BRPF3: variants seen among roughly 807,000 people sequenced by gnomAD.
BRPF3 encodes the protein bromodomain and PHD finger containing 3.
In BRPF3, 18 loss-of-function variants were observed where a neutral mutation model predicts 102.0. The ratio of observed to expected loss-of-function variants is 0.18; its 90% CI spans 0.12 to 0.26. The LOEUF is 0.26. Among genes scored for constraint, BRPF3 ranks in the 10% least tolerant of loss-of-function variants. The pLI, the probability that BRPF3 is intolerant of heterozygous loss-of-function variation, is 1.00. For synonymous variants in BRPF3, 570 were observed against 614.2 expected (o/e 0.93, Z 1.06); for missense variants, 1,147 against 1,567.8 (o/e 0.73, Z 4.53).
Position 36,200,284 on chromosome 6 carries a change from CT to C in BRPF3, c.-26-11del. The C allele has an allele frequency of 6.3e-7, 1 of 1,579,960 alleles. No homozygotes were observed. ...GGCATCCAACTCATAGTCTCCTGGC[CT>C]TCTCTCCTTAGGCCTGTCCCCTCAG... On this transcript the variant is annotated splice_polypyrimidine_tract_variant and intron_variant, in intron 1 of 12. Coordinates refer to ENST00000357641, the MANE Select transcript of BRPF3 (RefSeq NM_015695.3). The surrounding 1 kb of genome is among the most constrained non-coding windows in gnomAD (Gnocchi z 5.3).
chr6:36,212,280 C>G (rs13214), intron 7 of BRPF3, among the ~76,000 whole-genome samples: 2 of 152,204 alleles, frequency 1.3e-5, no homozygotes, highest in African/African-American at 4.8e-5. Context: ...TCCCTCATAC[C>G]TGCCTTCGGA....
intron 2 of BRPF3, among the ~76,000 whole-genome samples, chr6:36,203,636 C>T (rs949947891): frequency 6.6e-6 from 1 of 152,148 alleles, no homozygotes; most frequent in African/African-American, 2.4e-5. Flanking sequence ...ACGTCCTGCC[C>T]AACATGCCCA....
At chr6:36,203,314 GAAAT>G (rs1474855443) in intron 2 of BRPF3, among the ~76,000 whole-genome samples, 3 of 152,216 alleles carry the variant, frequency 2.0e-5, no homozygotes, top group African/African-American at 7.2e-5. Context: ...GTTGTTGTGA[GAAAT>G]AAATGAGATA....
At position 36,230,621 on chromosome 6, in the gene BRPF3, G is replaced by T. The variant is rs1451172635; in HGVS notation, c.*12G>T. 6.4e-7 allele frequency: 1 copy of T among 1,550,998 alleles called. No individual in the cohort carries two copies. The highest frequency in any genetic ancestry group is 8.7e-7 in the Non-Finnish European group (1 of 1,152,798). On this transcript the variant is annotated 3_prime_UTR_variant, in exon 13 of 13. Transcript: ENST00000357641. This position sits in a 1 kb window ranked among gnomAD's most constrained non-coding sequence, Gnocchi z 5.4. ...CCAGCTACCTGTAAGGGCAGGGCTG[G>T]GCCTGCATCCGCTTGCCCTGCCTCC...
chr6:36,209,894 A>C lies in BRPF3; in HGVS notation c.1845A>C (p.Ala615=). 6.2e-7 allele frequency: 1 copy of C among 1,614,168 alleles called. No homozygotes were observed. The highest frequency in any genetic ancestry group is 1.6e-4 in the Middle Eastern group (1 of 6,062). ...LQEKDPAHIF[A]EPVNLSEVPD... Reference sequence around the variant, plus strand: ...AGAAGGATCCTGCACACATCTTCGCAGAACCAGTCAACTTGAGTGAGGCAA... The same window carrying C: ...AGAAGGATCCTGCACACATCTTCGCCGAACCAGTCAACTTGAGTGAGGCAA... Residue 615 remains alanine, a synonymous_variant, in exon 5 of 13, where the codon GCA becomes GCC. Coordinates refer to ENST00000357641, the MANE Select transcript of BRPF3 (RefSeq NM_015695.3).
At chr6:36,229,753 G>T (rs544569433) in intron 12 of BRPF3, among the ~76,000 whole-genome samples, 1 of 152,324 alleles carries the variant, frequency 6.6e-6, no homozygotes, top group African/African-American at 2.4e-5. Context: ...AATAGTAGCT[G>T]CCATTGAGTG....
rs1398757163 is a variant in BRPF3 at position 36,210,719 on chromosome 6, T to C, written c.2179+191T>C. Among the ~76,000 whole-genome samples, 1 of 152,208 alleles carries C rather than the reference T, an allele frequency of 6.6e-6. No homozygotes were observed. Among genetic ancestry groups the C allele is most frequent in the Non-Finnish European group, 1.5e-5 (1 of 68,036 alleles). Reference sequence around the variant, plus strand: ...AAGGGTTAAAGTTTAACTAATGTACTCTGCACTTCTTAAGTGGTAGAAAAG... The same window carrying C: ...AAGGGTTAAAGTTTAACTAATGTACCCTGCACTTCTTAAGTGGTAGAAAAG... On this transcript the variant is annotated intron_variant, in intron 6 of 12. Transcript: ENST00000357641. This position sits in a 1 kb window ranked among gnomAD's most constrained non-coding sequence, Gnocchi z 4.7.
chr6:36,211,307 G>C lies in BRPF3; in HGVS notation c.2229G>C (p.Val743=), dbSNP rs1768098114. The C allele has an allele frequency of 6.2e-7, 1 of 1,614,246 alleles. No individual in the cohort carries two copies. The highest frequency in any genetic ancestry group is 1.7e-5 in the Admixed American group (1 of 60,032). ...ACCGGGCCCATTTGTCCCCAGAGGTGCAGCTGAAGGAGCTGCTGGAGAAAC... is the reference window on the plus strand; with the variant it reads ...ACCGGGCCCATTTGTCCCCAGAGGTCCAGCTGAAGGAGCTGCTGGAGAAAC... ...PENRAHLSPE[V]QLKELLEKLD... The change falls in exon 7 of 13, where the codon GTG becomes GTC. Residue 743 remains valine, a synonymous_variant. Transcript: ENST00000357641.
chr6:36,225,386 C>G, intron 11 of BRPF3, 22 bp downstream of exon 11: 1 of 1,596,366 alleles, frequency 6.3e-7, no homozygotes, highest in Non-Finnish European at 8.5e-7. Context: ...CCAGACGCCA[C>G]CCTCCTATCT....
At position 36,200,600 on chromosome 6, in the gene BRPF3, C is replaced by T. The variant is rs771125616; in HGVS notation, c.278C>T (p.Pro93Leu). The T allele has an allele frequency of 3.1e-6, 5 of 1,614,146 alleles. No individual in the cohort carries two copies. Among genetic ancestry groups the T allele is most frequent in the Non-Finnish European group, 4.2e-6 (5 of 1,180,022 alleles). ...CAGTTCCCTGGCAAGTCCAAGAAAC[C>T]CTCATCCAAGGGCAAAAAGAAGGAA... Reference protein sequence around the residue: ...QPQFPGKSKKPSSKGKKKESC... With the variant: ...QPQFPGKSKKLSSKGKKKESC... Residue 93 changes from proline to leucine, a missense_variant, in exon 2 of 13, where the codon CCC becomes CTC. By Grantham distance (98) the Pro-to-Leu change is moderately conservative. This residue lies in a region of BRPF3 where 221 missense variants were observed against 337.1 expected (regional missense o/e 0.66). Coordinates refer to ENST00000357641, the MANE Select transcript of BRPF3 (RefSeq NM_015695.3). The surrounding 1 kb of genome is among the most constrained non-coding windows in gnomAD (Gnocchi z 5.3).
chr6:36,204,191 A>G (rs1767822289), intron 2 of BRPF3, among the ~76,000 whole-genome samples: 1 of 152,146 alleles, frequency 6.6e-6, no homozygotes, highest in Non-Finnish European at 1.5e-5. Flanking sequence ...AAGGGGTTGC[A>G]TTGGGCTCAG....
intron 2 of BRPF3, 104 bp from the exon 3 acceptor site, chr6:36,204,554 C>T (rs758290186): frequency 7.4e-7 from 1 of 1,360,338 alleles, no homozygotes; most frequent in Non-Finnish European, 1.1e-6. Context: ...ATTCTGTCTT[C>T]CTGTATAAGG....
At chr6:36,198,522 T>C (rs573598959) in intron 1 of BRPF3, among the ~76,000 whole-genome samples, 1 of 152,344 alleles carries the variant, frequency 6.6e-6, no homozygotes, top group East Asian at 1.9e-4. Context: ...TATCACTTAC[T>C]AGCTTTACGT....
intron 7 of BRPF3, among the ~76,000 whole-genome samples, chr6:36,212,421 A>G (rs1768155301): frequency 6.6e-6 from 1 of 152,180 alleles, no homozygotes; most frequent in African/African-American, 2.4e-5. Context: ...ATGGAGACAT[A>G]GTTGAGAGAT....
chr6:36,202,669 A>G (rs1192749241), intron 2 of BRPF3, among the ~76,000 whole-genome samples: 1 of 152,152 alleles, frequency 6.6e-6, no homozygotes, highest in Non-Finnish European at 1.5e-5. Flanking sequence ...AGATGAAGAA[A>G]CTGCGGCCAA....
Position 36,222,204 on chromosome 6 carries a change from A to G in BRPF3, c.3120A>G (p.Pro1040=), listed in dbSNP as rs1303159339. 6.4e-7 allele frequency: 1 copy of G among 1,550,616 alleles called. No homozygotes were observed. The highest frequency in any genetic ancestry group is 2.0e-5 in the Admixed American group (1 of 51,084). Residue 1040 remains proline (P), a synonymous_variant, in exon 10 of 13, where the codon CCA becomes CCG. Transcript: ENST00000357641. ...LTPPKRSRGK[P]ALSRVPFLEG... is the part of the protein sequence containing the mutation. ...CCCCCAAACGCAGCCGTGGGAAGCC[A>G]GCCCTGTCTCGAGTGCCCTTCCTGG... is the stretch of plus-strand genomic sequence containing the variant.
rs185356477 is a variant in BRPF3 at position 36,225,206 on chromosome 6, C to A, written c.3182-61C>A. 2,453 of 1,441,438 alleles carry A rather than the reference C, an allele frequency of 1.7e-3. 28 individuals carry two copies. The East Asian group carries it at 0.019, about 11-fold the overall frequency. The allele number at this position is 1,441,438 out of a possible 1,614,324, so 89.3% of individuals were successfully genotyped here. On this transcript the variant is annotated intron_variant, in intron 10 of 12. Transcript: ENST00000357641. ...CAGTCAAGTGGAGGCCACAGGCAGG[C>A]CTTTTGGGCACCATTCCAAGTCCCC...
At chr6:36,226,317 A>G (rs978857325) in intron 11 of BRPF3, among the ~76,000 whole-genome samples, 7 of 152,332 alleles carry the variant, frequency 4.6e-5, no homozygotes, top group Non-Finnish European at 7.3e-5. Context: ...CATTTCTGTC[A>G]TAGTAGTAGC....
chr6:36,217,951 C>T lies in BRPF3; in HGVS notation c.3024C>T (p.Ser1008=), dbSNP rs752662552. Residue 1008 remains serine, a synonymous_variant, in exon 9 of 13, where the codon AGC becomes AGT. Coordinates refer to ENST00000357641, the MANE Select transcript of BRPF3 (RefSeq NM_015695.3). ...ACGGCTTTGGAAAACACACCGAAAGCGGGTCTGACTCTGAATGTAGTTTGG... is the reference window on the plus strand; with the variant it reads ...ACGGCTTTGGAAAACACACCGAAAGTGGGTCTGACTCTGAATGTAGTTTGG... The part of the protein sequence containing the change: ...MTNGFGKHTE[S]GSDSECSLGL... 11 of 1,613,416 alleles carry T rather than the reference C, an allele frequency of 6.8e-6. No individual in the cohort carries two copies. Among genetic ancestry groups the T allele is most frequent in the Middle Eastern group, 1.7e-4 (1 of 6,058 alleles).
Sources: allele counts gnomAD v4.1 joint callset (sites outside exome capture counted in the v4.1 genomes callset), GRCh38; gene constraint gnomAD v4.1.1; regional missense constraint gnomAD v4.1.1; non-coding constraint Gnocchi (gnomAD v3.1); transcripts MANE v1.5; gene names NCBI Gene and HGNC (gene_info 2026-07-23, HGNC 2026-07-21).